Variants in GPC6 observed in about 807,000 individuals in gnomAD.
GPC6 encodes the protein glypican-6.
A neutral mutation model predicts 55.2 loss-of-function variants in GPC6; 14 were observed. The ratio of observed to expected loss-of-function variants is 0.25; its 90% CI spans 0.17 to 0.40. GPC6 has a LOEUF of 0.40. Ranked by LOEUF, GPC6 falls within the 10% of genes least tolerant of loss-of-function variation. GPC6 has a pLI of 1.00. For missense variants in GPC6, 641 were observed against 708.5 expected (o/e 0.90, Z 1.08); for synonymous variants, 278 against 259.6 (o/e 1.07, Z -0.68).
chr13:93,924,669 A>G (rs1594592247), intron 3 of GPC6, among the ~76,000 whole-genome samples: 1 of 145,896 alleles, frequency 6.9e-6, no homozygotes, highest in East Asian at 2.0e-4. Flanking sequence ...AGAGTGATTG[A>G]TTTCTTTTAT....
At chr13:93,384,452 G>A (rs1431203279) in intron 1 of GPC6, among the ~76,000 whole-genome samples, 2 of 151,416 alleles carry the variant, frequency 1.3e-5, no homozygotes, top group Non-Finnish European at 2.9e-5. Context: ...TAACGTGATT[G>A]GATCGATGAA....
chr13:93,373,321 A>AT (rs1445727826), intron 1 of GPC6, among the ~76,000 whole-genome samples: 1 of 152,216 alleles, frequency 6.6e-6, no homozygotes, highest in African/African-American at 2.4e-5. Context: ...AAGCACACTA[A>AT]TACACAACCT....
chr13:93,621,397 A>G (rs748002242), intron 2 of GPC6, among the ~76,000 whole-genome samples: 19 of 152,182 alleles, frequency 1.2e-4, no homozygotes, highest in Non-Finnish European at 2.1e-4. Context: ...TTATTCAAAT[A>G]AGACCATAAA....
chr13:93,294,564 T>A (rs1391635904), intron 1 of GPC6, among the ~76,000 whole-genome samples: 2 of 152,154 alleles, frequency 1.3e-5, no homozygotes, highest in Non-Finnish European at 2.9e-5. Flanking sequence ...TACCATACCG[T>A]ATGCTTGGCA....
chr13:93,455,777 T>G (rs975789293), intron 1 of GPC6, among the ~76,000 whole-genome samples: 2 of 152,156 alleles, frequency 1.3e-5, no homozygotes, highest in African/African-American at 4.8e-5. Flanking sequence ...CCATTCATCC[T>G]GTTAGTCTGC....
chr13:94,377,077 G>C (rs1879901168), intron 6 of GPC6, among the ~76,000 whole-genome samples: 1 of 150,678 alleles, frequency 6.6e-6, no homozygotes, highest in African/African-American at 2.4e-5. Flanking sequence ...TTAAACATTA[G>C]ACCTAAAACC....
intron 3 of GPC6, among the ~76,000 whole-genome samples, chr13:93,975,455 G>T (rs1218848239): frequency 6.6e-6 from 1 of 152,074 alleles, no homozygotes; most frequent in African/African-American, 2.4e-5. Flanking sequence ...GATGAGCTGG[G>T]TTATGATTCA....
intron 2 of GPC6, among the ~76,000 whole-genome samples, chr13:93,660,539 T>C (rs145309695): frequency 6.6e-6 from 1 of 152,338 alleles, no homozygotes; most frequent in African/African-American, 2.4e-5. Context: ...CATGGACCTA[T>C]GATTCTGGAA....
chr13:93,983,763 G>T (rs1488114644), intron 3 of GPC6, among the ~76,000 whole-genome samples: 1 of 143,314 alleles, frequency 7.0e-6, no homozygotes, highest in Admixed American at 7.1e-5. Context: ...TGTGGATACT[G>T]TAAGTTTTTC....
chr13:93,417,577 G>A (rs1452532983), intron 1 of GPC6, among the ~76,000 whole-genome samples: 1 of 152,066 alleles, frequency 6.6e-6, no homozygotes, highest in Non-Finnish European at 1.5e-5. Context: ...ACCAAAATGA[G>A]GTGGGGGAGA....
At chr13:93,349,717 GCTTT>G (rs1235736049) in intron 1 of GPC6, among the ~76,000 whole-genome samples, 2 of 152,122 alleles carry the variant, frequency 1.3e-5, no homozygotes, top group East Asian at 3.9e-4. Context: ...GTGAGTTTTG[GCTTT>G]CTTTCTCATT....
At chr13:94,340,015 A>C (rs1877951186) in intron 6 of GPC6, among the ~76,000 whole-genome samples, 1 of 151,380 alleles carries the variant, frequency 6.6e-6, no homozygotes, top group Non-Finnish European at 1.5e-5. Flanking sequence ...CACCCGCCTC[A>C]CCCTCCCAAA....
Position 94,107,121 on chromosome 13 carries a change from A to G in GPC6, c.877+79227A>G, listed in dbSNP as rs530054746. On this transcript the variant is annotated intron_variant, in intron 4 of 8. Coordinates refer to ENST00000377047, the MANE Select transcript of GPC6 (RefSeq NM_005708.5). Reference sequence around the variant, plus strand: ...CACCGTGTTTTGGGGCCGGGTCATGAGGACTCTCAGCTCAGAGGAAGGGAA... The same window carrying G: ...CACCGTGTTTTGGGGCCGGGTCATGGGGACTCTCAGCTCAGAGGAAGGGAA... Among the ~76,000 whole-genome samples, 9 of 152,302 alleles carry G rather than the reference A, an allele frequency of 5.9e-5. No individual in the cohort carries two copies. The South Asian group carries it at 1.5e-3, about 25-fold the overall frequency.
intron 2 of GPC6, among the ~76,000 whole-genome samples, chr13:93,722,011 T>C (rs1196823930): frequency 6.6e-6 from 1 of 151,884 alleles, no homozygotes; most frequent in Admixed American, 6.6e-5. Context: ...TTACTCATTA[T>C]TCAGTGTCTT....
At chr13:93,353,148 A>C (rs1312650123) in intron 1 of GPC6, among the ~76,000 whole-genome samples, 1 of 152,170 alleles carries the variant, frequency 6.6e-6, no homozygotes, top group Non-Finnish European at 1.5e-5. Context: ...TTACTACCAA[A>C]GAGGAAACTG....
At chr13:93,703,032 A>C (rs1433948213) in intron 2 of GPC6, among the ~76,000 whole-genome samples, 1 of 151,998 alleles carries the variant, frequency 6.6e-6, no homozygotes, top group South Asian at 2.1e-4. Context: ...TAGCTGTCAC[A>C]AGAGACCTAG....
rs1347047142 is a variant in GPC6, at chr13:93,353,135, T to G, written c.160+125519T>G. On this transcript the variant is annotated intron_variant, in intron 1 of 8. Transcript: ENST00000377047. ...ATTTGGGAAGGATAAATGGAGGTGC[T>G]TTTTACTACCAAAGAGGAAACTGAG... Among the ~76,000 whole-genome samples the G allele has an allele frequency of 2.0e-5, 3 of 152,132 alleles. No individual in the cohort carries two copies. In the East Asian group the frequency reaches 5.8e-4, roughly 29 times the overall value.
At chr13:94,007,295 C>A (rs1172836069) in intron 3 of GPC6, among the ~76,000 whole-genome samples, 3 of 152,214 alleles carry the variant, frequency 2.0e-5, no homozygotes, top group Admixed American at 6.5e-5. Flanking sequence ...TTATCCCTTA[C>A]TGTGGTTAGG....
intron 2 of GPC6, among the ~76,000 whole-genome samples, chr13:93,615,115 A>T (rs1878658039): frequency 6.6e-6 from 1 of 152,136 alleles, no homozygotes; most frequent in Non-Finnish European, 1.5e-5. Flanking sequence ...TTTTTTCTCA[A>T]AAGTTTACTT....
Sources: gnomAD v4.1 joint callset for allele counts (sites outside exome capture counted in the v4.1 genomes callset) on GRCh38, gnomAD v4.1.1 for gene constraint, MANE v1.5 for transcripts, NCBI Gene and HGNC (gene_info 2026-07-23, HGNC 2026-07-21) for gene names.